The following CTNND2 variants were observed in gnomAD, a reference collection of about 807,000 sequenced individuals.
The protein encoded by CTNND2 is catenin delta 2, also known as catenin delta-2.
A neutral mutation model predicts 144.4 loss-of-function variants in CTNND2; 22 were observed. The ratio of observed to expected loss-of-function variants is 0.15; its 90% confidence interval spans 0.11 to 0.22. CTNND2 has a LOEUF of 0.22. CTNND2 is among the 10% of genes least tolerant of loss of function. The probability of loss-of-function intolerance (pLI) is 1.00; values close to 1 mark genes in which losing one functional copy is unlikely to be tolerated. For missense variants in CTNND2, 1,353 were observed against 1,618.8 expected (o/e 0.84, Z 2.82); for synonymous variants, 751 against 695.6 (o/e 1.08, Z -1.25).
chr5:11,748,652 G>C (rs1011751784), intron 1 of CTNND2, among the ~76,000 whole-genome samples: 8 of 151,904 alleles, frequency 5.3e-5, no homozygotes, highest in African/African-American at 1.9e-4. Context: ...CTCCAAATAA[G>C]ACTCTCAGAT....
chr5:11,257,774 C>T (rs1473072128), intron 9 of CTNND2, among the ~76,000 whole-genome samples: 1 of 152,224 alleles, frequency 6.6e-6, no homozygotes, highest in Non-Finnish European at 1.5e-5. Flanking sequence ...ACAGCATGTC[C>T]TGCCTCTCAG....
chr5:11,841,799 G>A (rs1024542631), intron 1 of CTNND2, among the ~76,000 whole-genome samples: 1 of 151,398 alleles, frequency 6.6e-6, no homozygotes, highest in African/African-American at 2.4e-5. Context: ...CTATGACCCT[G>A]AGCCCTTCCA....
At chr5:11,487,145 G>C (rs1424006995) in intron 3 of CTNND2, among the ~76,000 whole-genome samples, 1 of 152,106 alleles carries the variant, frequency 6.6e-6, no homozygotes, top group Non-Finnish European at 1.5e-5. Context: ...AGATATAAAT[G>C]ATCATGTCAA....
At chr5:11,803,433 T>C (rs980855729) in intron 1 of CTNND2, among the ~76,000 whole-genome samples, 1 of 152,228 alleles carries the variant, frequency 6.6e-6, no homozygotes, top group African/African-American at 2.4e-5. Flanking sequence ...GAATCTGAAC[T>C]GTATAAACTT....
At chr5:11,831,778 A>T (rs1163080621) in intron 1 of CTNND2, among the ~76,000 whole-genome samples, 1 of 152,126 alleles carries the variant, frequency 6.6e-6, no homozygotes, top group African/African-American at 2.4e-5. Context: ...CTTCCTAACA[A>T]CTGATGGTAA....
chr5:11,709,700 T>C lies in CTNND2; in HGVS notation c.174+22436A>G, dbSNP rs184880923. ...CATTTAAGAAACGGTAGACAAAGTA[T>C]TGAGAAGCCTTAAAACAAGTGCAAA... is the stretch of plus-strand genomic sequence containing the variant. On this transcript the variant is annotated intron_variant, in intron 2 of 21. Coordinates refer to ENST00000304623, the MANE Select transcript of CTNND2 (RefSeq NM_001332.4). Among the ~76,000 whole-genome samples the C allele has an allele frequency of 2.7e-3, 409 of 152,294 alleles. 2 individuals are homozygous for C. Among genetic ancestry groups the C allele is most frequent in the Non-Finnish European group, 2.6e-3 (174 of 68,026 alleles).
chr5:11,438,056 T>C (rs183283131), intron 3 of CTNND2, among the ~76,000 whole-genome samples: 5 of 152,292 alleles, frequency 3.3e-5, no homozygotes, highest in Admixed American at 3.3e-4. Flanking sequence ...TAACCTAAAC[T>C]GATGCTGATG....
chr5:11,751,552 A>G (rs771881420), intron 1 of CTNND2, among the ~76,000 whole-genome samples: 2 of 151,876 alleles, frequency 1.3e-5, no homozygotes, highest in Non-Finnish European at 2.9e-5. Flanking sequence ...TGTTGCTTCA[A>G]TGAACGTGAT....
At chr5:11,805,041 C>A (rs941705989) in intron 1 of CTNND2, among the ~76,000 whole-genome samples, 1 of 151,980 alleles carries the variant, frequency 6.6e-6, no homozygotes, top group Non-Finnish European at 1.5e-5. Flanking sequence ...ATGTTGTTTC[C>A]CATGGAAGCA....
chr5:11,609,974 A>C (rs1780236086), intron 2 of CTNND2, among the ~76,000 whole-genome samples: 2 of 152,204 alleles, frequency 1.3e-5, no homozygotes, highest in African/African-American at 4.8e-5. Context: ...CATGAGGAGA[A>C]ATTTAGTCTT....
chr5:11,439,979 T>C (rs371945286), intron 3 of CTNND2, among the ~76,000 whole-genome samples: 513 of 152,088 alleles, frequency 3.4e-3, no homozygotes, highest in African/African-American at 0.012. Context: ...TGGTCCACAC[T>C]GGGACATTTC....
intron 16 of CTNND2, among the ~76,000 whole-genome samples, chr5:11,068,573 A>G (rs537229815): frequency 6.6e-6 from 1 of 152,316 alleles, no homozygotes; most frequent in East Asian, 1.9e-4. Flanking sequence ...GGTTTATAAA[A>G]CCACAATATT....
chr5:11,438,068 G>C (rs1176507121), intron 3 of CTNND2, among the ~76,000 whole-genome samples: 1 of 152,200 alleles, frequency 6.6e-6, no homozygotes, highest in Admixed American at 6.5e-5. Flanking sequence ...ATGCTGATGA[G>C]AGTCTTCGTT....
At chr5:11,735,833 C>G (rs1787652364) in intron 1 of CTNND2, among the ~76,000 whole-genome samples, 2 of 152,124 alleles carry the variant, frequency 1.3e-5, no homozygotes, top group African/African-American at 4.8e-5. Context: ...CTCTTTTTCT[C>G]TATAAATTAC....
chr5:11,317,534 T>C (rs1056066391), intron 9 of CTNND2, among the ~76,000 whole-genome samples: 2 of 152,240 alleles, frequency 1.3e-5, no homozygotes, highest in Non-Finnish European at 2.9e-5. Context: ...TGTCCCACTA[T>C]GGTACTTTGT....
intron 15 of CTNND2, among the ~76,000 whole-genome samples, chr5:11,097,047 G>A (rs915928858): frequency 1.3e-5 from 2 of 152,148 alleles, no homozygotes; most frequent in African/African-American, 2.4e-5. Context: ...TGCATCCAGC[G>A]TTGTGACTGA....
intron 2 of CTNND2, among the ~76,000 whole-genome samples, chr5:11,635,811 C>T (rs1305799947): frequency 2.0e-5 from 3 of 152,064 alleles, no homozygotes; most frequent in Non-Finnish European, 4.4e-5. Context: ...GCCTGAGGAA[C>T]CTGAAACCTT....
intron 12 of CTNND2, among the ~76,000 whole-genome samples, chr5:11,132,375 C>T (rs999643976): frequency 6.6e-6 from 1 of 152,152 alleles, no homozygotes; most frequent in Non-Finnish European, 1.5e-5. Context: ...AGATTCTAAC[C>T]CCCATGTCAC....
At chr5:11,189,388 CA>C (rs369732301) in intron 11 of CTNND2, among the ~76,000 whole-genome samples, 60 of 152,256 alleles carry the variant, frequency 3.9e-4, no homozygotes, top group African/African-American at 1.4e-3. Context: ...CACTTATATA[CA>C]GATTTTCTTC....
Sources: allele counts gnomAD v4.1 joint callset (sites outside exome capture counted in the v4.1 genomes callset), GRCh38; gene constraint gnomAD v4.1.1; transcripts MANE v1.5; gene names NCBI Gene and HGNC (gene_info 2026-07-23, HGNC 2026-07-21).